Variants in COX7B2 observed in about 807,000 individuals in gnomAD.
COX7B2 encodes cytochrome c oxidase subunit 7B2, mitochondrial.
For missense variants in COX7B2, 109 were observed against 95.9 expected, an observed-to-expected ratio of 1.14 and a Z score of -0.57; for synonymous variants, 37 against 32.1, an observed-to-expected ratio of 1.15 and a Z score of -0.51.
chr4:46,808,747 G>C (rs1168048011), intron 2 of COX7B2, among the ~76,000 whole-genome samples: 1 of 151,792 alleles, frequency 6.6e-6, no homozygotes, highest in Non-Finnish European at 1.5e-5. Context: ...TATCAAGAAA[G>C]GACGTTGGAG....
intron 2 of COX7B2, among the ~76,000 whole-genome samples, chr4:46,775,403 C>A (rs982313809): frequency 1.3e-5 from 2 of 152,042 alleles, no homozygotes; most frequent in Non-Finnish European, 2.9e-5. Flanking sequence ...CTAAATCTTT[C>A]ATCATGGAAA....
chr4:46,874,861 G>C (rs974584354), intron 1 of COX7B2, among the ~76,000 whole-genome samples: 3 of 152,044 alleles, frequency 2.0e-5, no homozygotes, highest in African/African-American at 7.2e-5. Flanking sequence ...GTTTTTGTTT[G>C]TACATAGACG....
chr4:46,793,355 G>C (rs1718149192), intron 2 of COX7B2, among the ~76,000 whole-genome samples: 1 of 152,096 alleles, frequency 6.6e-6, no homozygotes, highest in Non-Finnish European at 1.5e-5. Context: ...AATGTTTCTG[G>C]CTGGAGATGT....
chr4:46,779,109 T>A (rs1212216063), intron 2 of COX7B2, among the ~76,000 whole-genome samples: 1 of 152,226 alleles, frequency 6.6e-6, no homozygotes, highest in Non-Finnish European at 1.5e-5. Flanking sequence ...GAATAACCAA[T>A]GTTATAGCTA....
At chr4:46,885,099 T>C (rs180946044) in intron 1 of COX7B2, among the ~76,000 whole-genome samples, 2 of 152,256 alleles carry the variant, frequency 1.3e-5, no homozygotes, top group African/African-American at 4.8e-5. Flanking sequence ...TTAGGATATA[T>C]TGCCACTAAT....
At chr4:46,784,239 C>CA (rs896467772) in intron 2 of COX7B2, among the ~76,000 whole-genome samples, 34 of 152,098 alleles carry the variant, frequency 2.2e-4, no homozygotes, top group African/African-American at 7.7e-4. Context: ...CTGTGCATTA[C>CA]AAAAAATACT....
chr4:46,848,059 C>A (rs533869064), intron 1 of COX7B2, among the ~76,000 whole-genome samples: 1 of 151,908 alleles, frequency 6.6e-6, no homozygotes, highest in East Asian at 1.9e-4. Context: ...GCTGATTTAT[C>A]ACAGATGAAT....
Position 46,803,620 on chromosome 4 carries a change from A to G in COX7B2, c.-50+41340T>C, listed in dbSNP as rs559119390. ...AAGTGTTTAGCATATATTTATAAAC[A>G]TGGCACATGTCTTCCTTCTCAGATC... On this transcript the variant is annotated intron_variant, in intron 2 of 2. Coordinates refer to ENST00000355591, the MANE Select transcript of COX7B2 (RefSeq NM_130902.3). Among the ~76,000 whole-genome samples, 3 of 152,098 alleles carry G rather than the reference A, an allele frequency of 2.0e-5. No homozygotes were observed. The South Asian group carries it at 6.2e-4, about 32-fold the overall frequency.
At chr4:46,884,367 T>C (rs1375349591) in intron 1 of COX7B2, among the ~76,000 whole-genome samples, 1 of 152,178 alleles carries the variant, frequency 6.6e-6, no homozygotes, top group African/African-American at 2.4e-5. Context: ...TGCATTTCCT[T>C]TTTAAGAAAA....
intron 1 of COX7B2, among the ~76,000 whole-genome samples, chr4:46,885,400 A>G (rs1467509963): frequency 3.3e-5 from 5 of 152,198 alleles, no homozygotes; most frequent in South Asian, 4.1e-4. Flanking sequence ...AAGGAGAAAT[A>G]GCATATACAT....
chr4:46,891,332 T>C (rs1217861152), intron 1 of COX7B2, among the ~76,000 whole-genome samples: 1 of 152,154 alleles, frequency 6.6e-6, no homozygotes, highest in Non-Finnish European at 1.5e-5. Flanking sequence ...AATTAAAACA[T>C]AATGTAGGAA....
chr4:46,883,939 T>C (rs1433588013), intron 1 of COX7B2, among the ~76,000 whole-genome samples: 1 of 152,164 alleles, frequency 6.6e-6, no homozygotes, highest in Non-Finnish European at 1.5e-5. Flanking sequence ...CCTTTGTAGG[T>C]ACTTAAAGTA....
At chr4:46,794,508 T>C (rs1718220013) in intron 2 of COX7B2, among the ~76,000 whole-genome samples, 1 of 152,090 alleles carries the variant, frequency 6.6e-6, no homozygotes, top group South Asian at 2.1e-4. Flanking sequence ...CCAAGAGACA[T>C]GACTTTCACC....
intron 2 of COX7B2, among the ~76,000 whole-genome samples, chr4:46,798,098 A>G (rs1460412128): frequency 6.6e-6 from 1 of 152,204 alleles, no homozygotes; most frequent in East Asian, 1.9e-4. Context: ...AATAGCAACT[A>G]TTCTATCATT....
intron 1 of COX7B2, among the ~76,000 whole-genome samples, chr4:46,866,472 C>A (rs1234749496): frequency 6.6e-6 from 1 of 152,128 alleles, no homozygotes; most frequent in Non-Finnish European, 1.5e-5. Flanking sequence ...AAAACTTGTA[C>A]ATAAAAACAA....
At chr4:46,868,348 G>A (rs12513207) in intron 1 of COX7B2, among the ~76,000 whole-genome samples, 47,215 of 151,936 alleles carry the variant, frequency 0.31, 7,536 homozygotes, top group Admixed American at 0.39. Flanking sequence ...ACTTTTGAAT[G>A]TTTTTTCTGC....
chr4:46,787,191 T>C (rs1259516105), intron 2 of COX7B2, among the ~76,000 whole-genome samples: 3 of 152,204 alleles, frequency 2.0e-5, no homozygotes, highest in Non-Finnish European at 4.4e-5. Flanking sequence ...CTCACGCCTG[T>C]AATCCCAGCA....
intron 1 of COX7B2, among the ~76,000 whole-genome samples, chr4:46,894,021 A>G (rs977679495): frequency 1.3e-5 from 2 of 152,162 alleles, no homozygotes; most frequent in African/African-American, 4.8e-5. Flanking sequence ...AGTGAAGACA[A>G]ACAAATGGAA....
chr4:46,753,736 T>C (rs1377959594), intron 2 of COX7B2, among the ~76,000 whole-genome samples: 2 of 151,752 alleles, frequency 1.3e-5, no homozygotes, highest in Non-Finnish European at 2.9e-5. Flanking sequence ...ACTAAAGAGC[T>C]TCTGCAGAGC....
Sources: gnomAD v4.1 joint callset for allele counts (sites outside exome capture counted in the v4.1 genomes callset) on GRCh38, gnomAD v4.1.1 for gene constraint, MANE v1.5 for transcripts, NCBI Gene and HGNC (gene_info 2026-07-23, HGNC 2026-07-21) for gene names.